AHCTF1: variants seen among roughly 807,000 people sequenced by gnomAD.
AHCTF1 encodes the protein AT-hook containing transcription factor 1.
A neutral mutation model predicts 248.4 loss-of-function variants in AHCTF1; 24 were observed. That is an observed-to-expected ratio of 0.10 (90% confidence interval 0.07 to 0.14). The LOEUF is 0.14. AHCTF1 is among the 10% of genes least tolerant of loss of function. AHCTF1 has a pLI of 1.00. For missense variants in AHCTF1, 2,206 were observed against 2,636.2 expected (o/e 0.84, Z 3.57); for synonymous variants, 786 against 929.8 (o/e 0.85, Z 2.81).
intron 1 of AHCTF1, chr1:246,931,160 C>A (rs1017944410): frequency 6.9e-5 from 107 of 1,550,104 alleles, no homozygotes; most frequent in Non-Finnish European, 8.9e-5. Context: ...GTGGAACACA[C>A]GCCAACACAG....
At chr1:246,907,501 T>C (rs372037901) in intron 5 of AHCTF1, 50 bp downstream of exon 5, 178 of 1,516,160 alleles carry the variant, frequency 1.2e-4, no homozygotes, top group Non-Finnish European at 1.5e-4. Context: ...GTACAAGCTA[T>C]ATGCAAAAAA....
intron 34 of AHCTF1, among the ~76,000 whole-genome samples, chr1:246,843,060 C>T (rs1659993360): frequency 6.6e-6 from 1 of 151,760 alleles, no homozygotes; most frequent in Admixed American, 6.5e-5. Context: ...TTGTCCAGAT[C>T]CAGGCTCTCA....
rs1662770011 is a variant in AHCTF1 at position 246,873,940 on chromosome 1, T to C, written c.3088+2097A>G. ...AACATACATACAGGCACTAGGATATTCGTCCAACACAGACTTACTACGCTG... is the reference window on the plus strand; with the variant it reads ...AACATACATACAGGCACTAGGATATCCGTCCAACACAGACTTACTACGCTG... On this transcript the variant is annotated intron_variant, in intron 24 of 35. Transcript: ENST00000648844. Among the ~76,000 whole-genome samples, 5 of 152,182 alleles carry C rather than the reference T, an allele frequency of 3.3e-5. No individual in the cohort carries two copies. In the South Asian group the frequency reaches 1.0e-3, roughly 32 times the overall value.
Position 246,884,416 on chromosome 1 carries a change from T to A in AHCTF1, c.2660+1077A>T, listed in dbSNP as rs531562139. Among the ~76,000 whole-genome samples, 8 of 152,326 alleles carry A rather than the reference T, an allele frequency of 5.3e-5. No individual in the cohort carries two copies. In the South Asian group the frequency reaches 1.0e-3, roughly 20 times the overall value. ...CCAAAGAGAACCAAGAAAATGTAAC[T>A]TTCAGAGTGCTGACACAGAAGTGGT... On this transcript the variant is annotated intron_variant, in intron 21 of 35. Transcript: ENST00000648844.
At chr1:246,930,198 C>G (rs780553243) in intron 1 of AHCTF1, among the ~76,000 whole-genome samples, 7 of 152,156 alleles carry the variant, frequency 4.6e-5, no homozygotes, top group Non-Finnish European at 1.0e-4. Context: ...TGCAGCGGCG[C>G]GATCCTAGCT....
In AHCTF1 at chr1:246,862,341, G is replaced by A. The variant is rs577975446; in HGVS notation, c.3541-188C>T. Among the ~76,000 whole-genome samples, 109 of 152,206 alleles carry A rather than the reference G, an allele frequency of 7.2e-4. 1 individual carries two copies. Among genetic ancestry groups the A allele is most frequent in the East Asian group, 6.6e-3 (34 of 5,172 alleles). ...TAAAAATACAAAAAATTAGGCAGGCGGGGTGGCGGGCGCCTGTAGTCCCAG... is the reference window on the plus strand; with the variant it reads ...TAAAAATACAAAAAATTAGGCAGGCAGGGTGGCGGGCGCCTGTAGTCCCAG... On this transcript the variant is annotated intron_variant, in intron 27 of 35. Transcript: ENST00000648844.
chr1:246,864,263 C>G (rs534963381), intron 26 of AHCTF1, 147 bp from the exon 27 acceptor site: 5 of 790,172 alleles, frequency 6.3e-6, no homozygotes, highest in Non-Finnish European at 9.7e-6. Flanking sequence ...AAAGTGCTAC[C>G]ATGCATTCAA....
chr1:246,843,703 T>C (rs1660036283), intron 34 of AHCTF1, 92 bp downstream of exon 34: 2 of 975,404 alleles, frequency 2.1e-6, no homozygotes, highest in Non-Finnish European at 2.6e-6. Context: ...TTTAAAATCA[T>C]TAAAATTTAA....
At position 246,868,985 on chromosome 1, in the gene AHCTF1, C is replaced by T. The variant is rs1302471106; in HGVS notation, c.3089-1174G>A. Among the ~76,000 whole-genome samples the T allele has an allele frequency of 6.3e-5, 9 of 143,112 alleles. No homozygotes were observed. In the East Asian group the frequency reaches 1.2e-3, roughly 19 times the overall value. 93.9% of individuals were successfully genotyped at this position (143,112 alleles called of 152,430 possible). A position where few individuals can be genotyped will look rare whatever the true frequency, so the allele number is the denominator to read the frequency against. On this transcript the variant is annotated intron_variant, in intron 24 of 35. Transcript: ENST00000648844. ...TCAGCCTGCTGAGTAGCTGGGACTA[C>T]AGGCGCCCGCCACCATGCCTGGCTA...
At chr1:246,878,514 A>T (rs1663159609) in intron 21 of AHCTF1, among the ~76,000 whole-genome samples, 1 of 152,062 alleles carries the variant, frequency 6.6e-6, no homozygotes, top group Admixed American at 6.6e-5. Context: ...AAAGCAAGTT[A>T]AAAACAGTAT....
rs767318310 is a variant in AHCTF1 at position 246,855,865 on chromosome 1, G to A, written c.4257-38C>T. On this transcript the variant is annotated intron_variant, in intron 30 of 35. Transcript: ENST00000648844. ...AAATACATACCTTAGTGTGTAAGAA[G>A]ATCCCATCTGCTTTAACCTGCTTTA... 2.6e-6 allele frequency: 4 copies of A among 1,518,860 alleles called. No individual in the cohort carries two copies. In the East Asian group the frequency reaches 6.8e-5, roughly 26 times the overall value. The allele number at this position is 1,518,860 out of a possible 1,614,324, so 94.1% of individuals were successfully genotyped here.
chr1:246,927,830 C>G (rs1667049946), intron 1 of AHCTF1, among the ~76,000 whole-genome samples: 1 of 151,884 alleles, frequency 6.6e-6, no homozygotes, highest in African/African-American at 2.4e-5. Context: ...TGGTGAAACC[C>G]TGTCTCTACT....
At position 246,926,063 on chromosome 1, in the gene AHCTF1, A is replaced by G. The variant is rs527715489; in HGVS notation, c.-8+5515T>C. Among the ~76,000 whole-genome samples the G allele has an allele frequency of 2.0e-5, 3 of 151,084 alleles. No individual in the cohort carries two copies. In the East Asian group the frequency reaches 5.9e-4, roughly 29 times the overall value. ...CCTGTCTTTAAAAAAAAAAAAAAAA[A>G]AAAGGCCTGGTACCTCCTCACTCCC... On this transcript the variant is annotated intron_variant, in intron 1 of 35. Coordinates refer to ENST00000648844, the MANE Select transcript of AHCTF1 (RefSeq NM_001323342.2).
In AHCTF1 at chr1:246,931,747, C is replaced by G. The variant is rs1260663809; in HGVS notation, c.-177G>C. 6.5e-6 allele frequency: 1 copy of G among 153,000 alleles called. No homozygotes were observed. Among genetic ancestry groups the G allele is most frequent in the African/African-American group, 2.4e-5 (1 of 41,464 alleles). 9.5% of individuals were successfully genotyped at this position (153,000 alleles called of 1,614,324 possible). A position where few individuals can be genotyped will look rare whatever the true frequency, so the allele number is the denominator to read the frequency against. On this transcript the variant is annotated 5_prime_UTR_variant, in exon 1 of 36. Coordinates refer to ENST00000648844, the MANE Select transcript of AHCTF1 (RefSeq NM_001323342.2). Reference sequence around the variant, plus strand: ...TGAAGCCGCTCCTCTGCGCTCCGGCCGCCGCCTGCGACCTCCCCGGCCACC... The same window carrying G: ...TGAAGCCGCTCCTCTGCGCTCCGGCGGCCGCCTGCGACCTCCCCGGCCACC...
At chr1:246,875,824 A>G (rs1430174825) in intron 24 of AHCTF1, among the ~76,000 whole-genome samples, 1 of 152,238 alleles carries the variant, frequency 6.6e-6, no homozygotes, top group Non-Finnish European at 1.5e-5. Context: ...GTATAGTGTA[A>G]ACATTATGCA....
At chr1:246,896,258 A>C (rs1664565511) in intron 12 of AHCTF1, among the ~76,000 whole-genome samples, 1 of 152,222 alleles carries the variant, frequency 6.6e-6, no homozygotes, top group Non-Finnish European at 1.5e-5. Context: ...CCAAACAAAA[A>C]TTTCACATGA....
intron 30 of AHCTF1, among the ~76,000 whole-genome samples, chr1:246,857,353 C>T (rs1355466005): frequency 6.6e-6 from 1 of 152,170 alleles, no homozygotes; most frequent in Non-Finnish European, 1.5e-5. Flanking sequence ...ACTGTGTCTA[C>T]CTACAAGAGT....
chr1:246,894,029 C>T (rs61854022), intron 14 of AHCTF1, among the ~76,000 whole-genome samples: 40,157 of 151,860 alleles, frequency 0.26, 5,450 homozygotes, highest in Admixed American at 0.31. Flanking sequence ...TATAGTGAGA[C>T]CATGTCTCTA....
intron 1 of AHCTF1, among the ~76,000 whole-genome samples, chr1:246,925,031 C>A (rs1055167311): frequency 6.6e-6 from 1 of 152,082 alleles, no homozygotes; most frequent in East Asian, 1.9e-4. Flanking sequence ...TGGAAAAGGC[C>A]AGAATCACAT....
Sources: gnomAD v4.1 joint callset for allele counts (sites outside exome capture counted in the v4.1 genomes callset) on GRCh38, gnomAD v4.1.1 for gene constraint, MANE v1.5 for transcripts, NCBI Gene and HGNC (gene_info 2026-07-23, HGNC 2026-07-21) for gene names.